Variants in NRG3 observed in about 807,000 individuals in gnomAD.
NRG3 encodes the protein neuregulin 3.
Under a neutral mutation model 66.9 loss-of-function variants are expected in NRG3, and 31 were observed. That is an observed-to-expected ratio of 0.46 (90% CI 0.35 to 0.63). The LOEUF is 0.63. Among genes scored for constraint, NRG3 ranks in the 20% least tolerant of loss-of-function variants. The pLI is 0.00. For missense variants in NRG3, 910 were observed against 878.9 expected (o/e 1.04, Z -0.45); for synonymous variants, 393 against 359.4 (o/e 1.09, Z -1.06).
intron 1 of NRG3, among the ~76,000 whole-genome samples, chr10:82,002,811 C>G (rs2061226156): frequency 6.6e-6 from 1 of 152,096 alleles, no homozygotes; most frequent in Non-Finnish European, 1.5e-5. Flanking sequence ...TTTCAGCTTC[C>G]TTTGTTTCTC....
intron 2 of NRG3, among the ~76,000 whole-genome samples, chr10:82,527,969 C>T (rs1846884491): frequency 6.6e-6 from 1 of 151,988 alleles, no homozygotes. Context: ...GTGGGGCTGG[C>T]TTATACATTG....
chr10:82,298,272 G>T (rs543269787), intron 1 of NRG3, among the ~76,000 whole-genome samples: 1 of 148,868 alleles, frequency 6.7e-6, no homozygotes, highest in Non-Finnish European at 1.5e-5. Context: ...GGAAGGAAGG[G>T]AGAGAGGGAG....
At chr10:81,966,484 A>T (rs1225911198) in intron 1 of NRG3, among the ~76,000 whole-genome samples, 1 of 151,692 alleles carries the variant, frequency 6.6e-6, no homozygotes, top group East Asian at 1.9e-4. Context: ...ATTTATTTAT[A>T]TTTTTTGTAG....
chr10:82,950,634 A>G (rs183989419), intron 4 of NRG3, among the ~76,000 whole-genome samples: 90 of 152,342 alleles, frequency 5.9e-4, no homozygotes, highest in African/African-American at 1.7e-3. Context: ...GCAAGAGAGT[A>G]AATGACTGTA....
intron 2 of NRG3, among the ~76,000 whole-genome samples, chr10:82,490,662 ATG>A (rs1387342901): frequency 1.3e-5 from 2 of 152,064 alleles, no homozygotes; most frequent in African/African-American, 4.8e-5. Context: ...GTATTTGCAA[ATG>A]TCTACCTTAT....
At chr10:82,665,624 T>A (rs2052710567) in intron 2 of NRG3, among the ~76,000 whole-genome samples, 1 of 152,216 alleles carries the variant, frequency 6.6e-6, no homozygotes, top group Non-Finnish European at 1.5e-5. Context: ...CCTCTTTTTT[T>A]AATACCATAC....
intron 1 of NRG3, among the ~76,000 whole-genome samples, chr10:81,952,015 C>T (rs556107237): frequency 6.6e-6 from 1 of 151,828 alleles, no homozygotes; most frequent in South Asian, 2.1e-4. Context: ...AGCAAACTAT[C>T]ACAAGGACAA....
chr10:82,258,137 G>T (rs1186038336), intron 1 of NRG3, among the ~76,000 whole-genome samples: 1 of 152,182 alleles, frequency 6.6e-6, no homozygotes, highest in African/African-American at 2.4e-5. Context: ...CAGCAGTGCT[G>T]TAGGTGCTGT....
chr10:82,467,353 T>C (rs1485234241), intron 2 of NRG3, among the ~76,000 whole-genome samples: 1 of 152,232 alleles, frequency 6.6e-6, no homozygotes, highest in Non-Finnish European at 1.5e-5. Context: ...TGCAATACAC[T>C]TCTGTTCCTC....
chr10:82,507,441 G>A (rs1211541206), intron 2 of NRG3, among the ~76,000 whole-genome samples: 1 of 152,172 alleles, frequency 6.6e-6, no homozygotes, highest in African/African-American at 2.4e-5. Flanking sequence ...AGTAATACAA[G>A]CCTTGGTGCA....
chr10:82,393,115 C>A (rs2086494598), intron 2 of NRG3, among the ~76,000 whole-genome samples: 1 of 152,048 alleles, frequency 6.6e-6, no homozygotes, highest in Non-Finnish European at 1.5e-5. Context: ...ATCACAGAAC[C>A]CCTCTGGACC....
intron 3 of NRG3, among the ~76,000 whole-genome samples, chr10:82,802,938 T>A (rs1398700902): frequency 6.6e-6 from 1 of 152,142 alleles, no homozygotes; most frequent in Non-Finnish European, 1.5e-5. Flanking sequence ...GCTCCCAGAG[T>A]GTTGGGATTA....
intron 1 of NRG3, among the ~76,000 whole-genome samples, chr10:82,050,012 C>A (rs2063515294): frequency 6.6e-6 from 1 of 152,050 alleles, no homozygotes; most frequent in African/African-American, 2.4e-5. Context: ...ATCCACCCCA[C>A]ACACTCACCA....
intron 2 of NRG3, among the ~76,000 whole-genome samples, chr10:82,690,703 T>C (rs1591184543): frequency 6.6e-6 from 1 of 152,194 alleles, no homozygotes; most frequent in East Asian, 1.9e-4. Flanking sequence ...TTGTACCATT[T>C]GGAGAGATTT....
chr10:82,769,918 C>T (rs2059652899), intron 3 of NRG3, among the ~76,000 whole-genome samples: 1 of 151,962 alleles, frequency 6.6e-6, no homozygotes, highest in Non-Finnish European at 1.5e-5. Context: ...ATAAACTTGC[C>T]AATTTAGGAC....
intron 1 of NRG3, among the ~76,000 whole-genome samples, chr10:81,940,853 A>G (rs192564290): frequency 2.8e-4 from 43 of 152,236 alleles, no homozygotes; most frequent in Admixed American, 1.5e-3. Flanking sequence ...TTTTTAAGGT[A>G]CCGAATGTAT....
chr10:82,112,749 A>C (rs185567104), intron 1 of NRG3, among the ~76,000 whole-genome samples: 2 of 152,294 alleles, frequency 1.3e-5, no homozygotes, highest in South Asian at 2.1e-4. Flanking sequence ...AAGAAGCTCC[A>C]TAATGTCACC....
intron 2 of NRG3, among the ~76,000 whole-genome samples, chr10:82,641,407 T>C (rs1294636560): frequency 2.6e-5 from 4 of 152,164 alleles, no homozygotes; most frequent in Non-Finnish European, 5.9e-5. Context: ...CAGACCACCC[T>C]TCCCACACTA....
intron 1 of NRG3, among the ~76,000 whole-genome samples, chr10:82,211,768 TG>T (rs2075405810): frequency 2.6e-5 from 4 of 152,114 alleles, no homozygotes; most frequent in Admixed American, 1.3e-4. Context: ...GCCTTCCACA[TG>T]AGAGGGCATG....
Sources: allele counts gnomAD v4.1 joint callset (sites outside exome capture counted in the v4.1 genomes callset), GRCh38; gene constraint gnomAD v4.1.1; transcripts MANE v1.5; gene names NCBI Gene and HGNC (gene_info 2026-07-23, HGNC 2026-07-21).